Variants in CNTNAP2 observed in about 807,000 individuals in gnomAD.
CNTNAP2 encodes contactin-associated protein-like 2.
In CNTNAP2, 98 loss-of-function variants were observed where a neutral mutation model predicts 155.2. The ratio of observed to expected loss-of-function variants is 0.63; its 90% CI spans 0.54 to 0.75. The LOEUF (loss-of-function observed/expected upper bound fraction) is 0.75. Among genes scored for constraint, CNTNAP2 ranks in the 30% least tolerant of loss-of-function variants. The pLI is 0.00. For missense variants in CNTNAP2, 1,727 were observed against 1,688.1 expected (o/e 1.02, Z -0.40); for synonymous variants, 651 against 631.2 (o/e 1.03, Z -0.47).
At chr7:146,487,887 A>T (rs1006697276) in intron 1 of CNTNAP2, among the ~76,000 whole-genome samples, 2 of 152,166 alleles carry the variant, frequency 1.3e-5, no homozygotes, top group Admixed American at 6.5e-5. Context: ...GGAGGTGTGG[A>T]GAGACAGAGA....
intron 11 of CNTNAP2, among the ~76,000 whole-genome samples, chr7:147,505,635 C>A (rs560071459): frequency 6.6e-6 from 1 of 152,146 alleles, no homozygotes; most frequent in Non-Finnish European, 1.5e-5. Flanking sequence ...TATCTGTTTT[C>A]TTAATTTTGC....
rs570260875 is a variant in CNTNAP2 at position 146,274,265 on chromosome 7, T to C, written c.97+157292T>C. ...AGGGCAGTCACAGCAACATACCTTT[T>C]AAGTAAGCCTCCCAGGGCTGCTTTG... On this transcript the variant is annotated intron_variant, in intron 1 of 23. Transcript: ENST00000361727. Among the ~76,000 whole-genome samples, 309 of 152,304 alleles carry C rather than the reference T, an allele frequency of 2.0e-3. 3 individuals are homozygous for C. Among genetic ancestry groups the C allele is most frequent in the African/African-American group, 7.0e-3 (290 of 41,576 alleles).
rs375548116 is a variant in CNTNAP2 at position 146,535,289 on chromosome 7, A to T, written c.98-238982A>T. 3.5e-5 allele frequency among the ~76,000 whole-genome samples: 2 copies of T among 57,174 alleles called. 1 individual carries two copies. The highest frequency in any genetic ancestry group is 1.2e-3 in the East Asian group (2 of 1,656). 37.5% of individuals were successfully genotyped at this position (57,174 alleles called of 152,430 possible). On this transcript the variant is annotated intron_variant, in intron 1 of 23. Coordinates refer to ENST00000361727, the MANE Select transcript of CNTNAP2 (RefSeq NM_014141.6). ...ATATATATTATATATTATATTATAT[A>T]ATGTATATTATATATGATATTATAT...
chr7:146,326,821 A>G (rs1409446506), intron 1 of CNTNAP2, among the ~76,000 whole-genome samples: 2 of 152,210 alleles, frequency 1.3e-5, no homozygotes, highest in African/African-American at 2.4e-5. Flanking sequence ...TTTGTTAACT[A>G]TGTAACCAGT....
intron 10 of CNTNAP2, among the ~76,000 whole-genome samples, chr7:147,444,132 T>A (rs1229032288): frequency 6.6e-6 from 1 of 152,218 alleles, no homozygotes; most frequent in Non-Finnish European, 1.5e-5. Flanking sequence ...AATTATTATT[T>A]ATATGTTGAT....
intron 3 of CNTNAP2, among the ~76,000 whole-genome samples, chr7:147,028,049 T>C (rs773070199): frequency 1.1e-4 from 17 of 152,148 alleles, no homozygotes; most frequent in Non-Finnish European, 1.8e-4. Flanking sequence ...CAGTCTCCAA[T>C]ATTTAGATGG....
chr7:146,736,082 C>T (rs1352761733), intron 1 of CNTNAP2, among the ~76,000 whole-genome samples: 1 of 152,008 alleles, frequency 6.6e-6, no homozygotes, highest in Non-Finnish European at 1.5e-5. Flanking sequence ...ACAAATAACT[C>T]ATAAGAATAC....
At chr7:147,498,104 C>T (rs1798743102) in intron 11 of CNTNAP2, among the ~76,000 whole-genome samples, 1 of 150,340 alleles carries the variant, frequency 6.7e-6, no homozygotes, top group Non-Finnish European at 1.5e-5. Context: ...GTACTTGCTG[C>T]TTGGTTGTTA....
At chr7:146,182,874 A>G (rs1045568180) in intron 1 of CNTNAP2, among the ~76,000 whole-genome samples, 1 of 152,102 alleles carries the variant, frequency 6.6e-6, no homozygotes, top group African/African-American at 2.4e-5. Context: ...AATATGCTGT[A>G]TCTGTACTCC....
rs181352506 is a variant in CNTNAP2 at position 146,963,659 on chromosome 7, A to C, written c.403-80248A>C. Among the ~76,000 whole-genome samples the C allele has an allele frequency of 2.1e-3, 325 of 152,246 alleles. 1 individual carries two copies. The highest frequency in any genetic ancestry group is 2.3e-3 in the Non-Finnish European group (154 of 68,010). ...CTAAATATATTCAGCCAGATTTAAA[A>C]CAGGGCATAATAAGTAAAAAAAAAC... On this transcript the variant is annotated intron_variant, in intron 3 of 23. Transcript: ENST00000361727.
At chr7:146,309,530 G>A (rs563275845) in intron 1 of CNTNAP2, among the ~76,000 whole-genome samples, 108 of 152,170 alleles carry the variant, frequency 7.1e-4, no homozygotes, top group Non-Finnish European at 1.1e-3. Flanking sequence ...GGTGGGGCGC[G>A]GTGGCTCATG....
At chr7:146,599,299 CA>C in intron 1 of CNTNAP2, among the ~76,000 whole-genome samples, 1 of 152,124 alleles carries the variant, frequency 6.6e-6, no homozygotes, top group Non-Finnish European at 1.5e-5. Flanking sequence ...CTTCTCTACT[CA>C]AAGCCCTCTA....
chr7:147,206,302 C>T (rs1803022746), intron 8 of CNTNAP2, among the ~76,000 whole-genome samples: 1 of 149,486 alleles, frequency 6.7e-6, no homozygotes, highest in African/African-American at 2.4e-5. Flanking sequence ...CAGTGGCTCA[C>T]ACCTGTAATC....
intron 1 of CNTNAP2, among the ~76,000 whole-genome samples, chr7:146,404,866 T>C (rs1360870022): frequency 1.3e-5 from 2 of 152,144 alleles, no homozygotes; most frequent in Non-Finnish European, 2.9e-5. Flanking sequence ...CTTCATTTCC[T>C]TTGAGCAGTC....
At chr7:148,114,769 C>T (rs561950627) in intron 15 of CNTNAP2, among the ~76,000 whole-genome samples, 2 of 152,264 alleles carry the variant, frequency 1.3e-5, no homozygotes, top group South Asian at 2.1e-4. Flanking sequence ...CATCCATGTG[C>T]CACTGCATTT....
intron 8 of CNTNAP2, among the ~76,000 whole-genome samples, chr7:147,207,010 A>C (rs1584793011): frequency 1.3e-5 from 2 of 152,316 alleles, no homozygotes; most frequent in East Asian, 3.9e-4. Flanking sequence ...TACTGATCTC[A>C]TATTTGCACC....
Position 146,852,871 on chromosome 7 carries a change from T to C in CNTNAP2, c.402+12967T>C, listed in dbSNP as rs964985776. Reference sequence around the variant, plus strand: ...AACTGAGTTGCCCAGGGTGAAGTCGTTGTTTATCTTATGCACTTAGCAAGC... The same window carrying C: ...AACTGAGTTGCCCAGGGTGAAGTCGCTGTTTATCTTATGCACTTAGCAAGC... On this transcript the variant is annotated intron_variant, in intron 3 of 23. Transcript: ENST00000361727. 2.6e-5 allele frequency among the ~76,000 whole-genome samples: 4 copies of C among 152,252 alleles called. No homozygotes were observed. The South Asian group carries it at 8.3e-4, about 32-fold the overall frequency.
intron 2 of CNTNAP2, among the ~76,000 whole-genome samples, chr7:146,834,589 G>A (rs1400410212): frequency 6.6e-6 from 1 of 152,106 alleles, no homozygotes; most frequent in Non-Finnish European, 1.5e-5. Flanking sequence ...TTATTGTTTC[G>A]AGACTAGCAA....
At chr7:146,896,803 C>T (rs1308885509) in intron 3 of CNTNAP2, among the ~76,000 whole-genome samples, 1 of 151,692 alleles carries the variant, frequency 6.6e-6, no homozygotes, top group African/African-American at 2.4e-5. Flanking sequence ...AGTAATTTTA[C>T]TTTAATAAAA....
Sources: gnomAD v4.1 joint callset for allele counts (sites outside exome capture counted in the v4.1 genomes callset) on GRCh38, gnomAD v4.1.1 for gene constraint, MANE v1.5 for transcripts, NCBI Gene and HGNC (gene_info 2026-07-23, HGNC 2026-07-21) for gene names.